SEC14L5: variants seen among roughly 807,000 people sequenced by gnomAD.
The protein encoded by SEC14L5 is SEC14-like protein 5.
A neutral mutation model predicts 84.6 loss-of-function variants in SEC14L5; 96 were observed. The ratio of observed to expected loss-of-function variants is 1.13; its 90% CI spans 0.96 to 1.34. The LOEUF (loss-of-function observed/expected upper bound fraction) is 1.34. Among genes scored for constraint, SEC14L5 ranks in the 40% most tolerant of loss-of-function variants. The pLI, the probability that SEC14L5 is intolerant of heterozygous loss-of-function variation, is 0.00. For missense variants in SEC14L5, 1,224 were observed against 942.5 expected (o/e 1.30, Z -3.91); for synonymous variants, 546 against 383.4 (o/e 1.42, Z -4.95).
At chr16:4,986,300 C>T (rs1056266556) in intron 2 of SEC14L5, among the ~76,000 whole-genome samples, 5 of 152,056 alleles carry the variant, frequency 3.3e-5, no homozygotes, top group African/African-American at 4.8e-5. Flanking sequence ...CCACCACGCC[C>T]GGCTGCTTTT....
rs1234701401 is a variant in SEC14L5, at chr16:4,989,329, T to G, written c.345+1049T>G. ...TTTTTTGTTTGTTTGTTTGTTTTGT[T>G]TTTTTTTTTGTTTGTTTTTTTGAGA... On this transcript the variant is annotated intron_variant, in intron 4 of 15. Transcript: ENST00000251170. Among the ~76,000 whole-genome samples, 13 of 4,460 alleles carry G rather than the reference T, an allele frequency of 2.9e-3. 1 individual carries two copies. The East Asian group carries it at 0.14, about 47-fold the overall frequency. The allele number at this position is 4,460 out of a possible 152,430, so 2.9% of individuals were successfully genotyped here. A position where few individuals can be genotyped will look rare whatever the true frequency, so the allele number is the denominator to read the frequency against.
intron 2 of SEC14L5, among the ~76,000 whole-genome samples, chr16:4,983,677 G>A (rs1024131089): frequency 6.6e-6 from 1 of 151,772 alleles, no homozygotes; most frequent in African/African-American, 2.4e-5. Context: ...AGGAGTTCAA[G>A]ACCAACCTGA....
chr16:4,965,750 T>C (rs974993207), intron 2 of SEC14L5, among the ~76,000 whole-genome samples: 1 of 148,580 alleles, frequency 6.7e-6, no homozygotes, highest in Non-Finnish European at 1.5e-5. Context: ...CTATTTTAAA[T>C]TTTATTTAAG....
intron 14 of SEC14L5, 117 bp from the exon 15 acceptor site, chr16:5,010,978 C>G (rs1955792706): frequency 3.1e-6 from 3 of 963,652 alleles, no homozygotes; most frequent in East Asian, 5.3e-5. Context: ...GAGAAAGGGA[C>G]AGAGGGAGAA....
Position 4,989,334 on chromosome 16 carries a change from T to G in SEC14L5, c.345+1054T>G, listed in dbSNP as rs528354671. Among the ~76,000 whole-genome samples, 55 of 146,232 alleles carry G rather than the reference T, an allele frequency of 3.8e-4. 1 individual carries two copies. Among genetic ancestry groups the G allele is most frequent in the African/African-American group, 9.5e-4 (38 of 39,972 alleles). On this transcript the variant is annotated intron_variant, in intron 4 of 15. Transcript: ENST00000251170. ...TGTTTGTTTGTTTGTTTTGTTTTTT[T>G]TTTTGTTTGTTTTTTTGAGAGACAG...
At chr16:4,966,034 C>T (rs1955196352) in intron 2 of SEC14L5, among the ~76,000 whole-genome samples, 2 of 151,634 alleles carry the variant, frequency 1.3e-5, no homozygotes, top group Non-Finnish European at 2.9e-5. Flanking sequence ...AGAGTGAGAC[C>T]CTGCCTCAAA....
At position 5,007,506 on chromosome 16, in the gene SEC14L5, G is replaced by C; in HGVS notation, c.1572+20G>C. On this transcript the variant is annotated intron_variant, in intron 13 of 15. Coordinates refer to ENST00000251170, the MANE Select transcript of SEC14L5 (RefSeq NM_014692.2). ...CACGAGGTGCCAGGGCCTGGCCGGGGAGGGCCCGCTGAGCTGGAGTGTCTG... is the reference window on the plus strand; with the variant it reads ...CACGAGGTGCCAGGGCCTGGCCGGGCAGGGCCCGCTGAGCTGGAGTGTCTG... 1 of 1,610,756 alleles carries C rather than the reference G, an allele frequency of 6.2e-7. No homozygotes were observed. The highest frequency in any genetic ancestry group is 8.5e-7 in the Non-Finnish European group (1 of 1,178,790).
chr16:4,987,732 G>A (rs1249534469), intron 3 of SEC14L5, 26 bp downstream of exon 3: 1 of 1,461,748 alleles, frequency 6.8e-7, no homozygotes, highest in Non-Finnish European at 9.0e-7. Context: ...GCTGGGGGGC[G>A]GAGGAGGGGA....
rs762435313 is a variant in SEC14L5 at position 4,988,133 on chromosome 16, G to A, written c.214-16G>A. ...GCCGCCCACCCACCTCCGCCTCCCC[G>A]CCCCTTCCCTTGCAGATCGCAGGTG... On this transcript the variant is annotated splice_polypyrimidine_tract_variant and intron_variant, in intron 3 of 15. Coordinates refer to ENST00000251170, the MANE Select transcript of SEC14L5 (RefSeq NM_014692.2). 2.2e-5 allele frequency: 19 copies of A among 866,766 alleles called. No homozygotes were observed. Among genetic ancestry groups the A allele is most frequent in the Admixed American group, 1.5e-4 (8 of 52,054 alleles). 53.7% of individuals were successfully genotyped at this position (866,766 alleles called of 1,614,324 possible). A position where few individuals can be genotyped will look rare whatever the true frequency, so the allele number is the denominator to read the frequency against.
In SEC14L5 at chr16:5,003,436, A is replaced by G. The variant is rs1430309934; in HGVS notation, c.1165A>G (p.Asn389Asp). ...WTCLLDLEGL[N>D]MRHLWRPGVK... ...CTGCCTGCTAGACCTGGAGGGACTCAACATGCGGCACCTGTGGCGGCCGGG... is the reference window on the plus strand; with the variant it reads ...CTGCCTGCTAGACCTGGAGGGACTCGACATGCGGCACCTGTGGCGGCCGGG... The change falls in exon 11 of 16, where the codon AAC (asparagine) becomes GAC (aspartate). Residue 389 changes from asparagine to aspartate, a missense_variant. Transcript: ENST00000251170. The G allele has an allele frequency of 6.2e-7, 1 of 1,613,500 alleles. No individual in the cohort carries two copies. Among genetic ancestry groups the G allele is most frequent in the East Asian group, 2.2e-5 (1 of 44,874 alleles).
intron 2 of SEC14L5, among the ~76,000 whole-genome samples, chr16:4,960,064 G>C (rs1955101464): frequency 6.6e-6 from 1 of 152,200 alleles, no homozygotes; most frequent in African/African-American, 2.4e-5. Flanking sequence ...CAGCAAGTCA[G>C]TTGGAGGCCT....
intron 2 of SEC14L5, 138 bp downstream of exon 2, chr16:4,959,524 T>A: frequency 2.7e-6 from 2 of 744,208 alleles, no homozygotes; most frequent in East Asian, 2.7e-5. Context: ...CTGGTGGGTT[T>A]AACTTCTATC....
chr16:4,960,390 T>G (rs183518747), intron 2 of SEC14L5, among the ~76,000 whole-genome samples: 1 of 152,306 alleles, frequency 6.6e-6, no homozygotes, highest in Non-Finnish European at 1.5e-5. Flanking sequence ...CACCCCCATC[T>G]GTCCCACCCC....
chr16:5,016,668 G>C lies in SEC14L5; in HGVS notation c.*1698G>C, dbSNP rs1363262970. ...ATCTCTGCTGCAGTAACTGAGCCAA[G>C]GGGTGGTTTTGTGGCCACAAGAATC... On this transcript the variant is annotated 3_prime_UTR_variant, in exon 16 of 16. Coordinates refer to ENST00000251170, the MANE Select transcript of SEC14L5 (RefSeq NM_014692.2). The C allele has an allele frequency of 6.6e-6, 1 of 152,188 alleles. No individual in the cohort carries two copies. Among genetic ancestry groups the C allele is most frequent in the Admixed American group, 6.5e-5 (1 of 15,276 alleles). 9.4% of individuals were successfully genotyped at this position (152,188 alleles called of 1,614,324 possible).
chr16:4,997,968 C>A (rs868433590), intron 8 of SEC14L5, among the ~76,000 whole-genome samples: 2 of 148,558 alleles, frequency 1.3e-5, no homozygotes, highest in Middle Eastern at 3.2e-3. Flanking sequence ...AGATCCTTAA[C>A]TAATTAACTA....
chr16:4,975,533 T>C (rs976945695), intron 2 of SEC14L5, among the ~76,000 whole-genome samples: 9 of 150,914 alleles, frequency 6.0e-5, no homozygotes, highest in Admixed American at 6.0e-4. Context: ...TAGTATTCCG[T>C]GGTGTATATA....
intron 11 of SEC14L5, among the ~76,000 whole-genome samples, chr16:5,005,298 G>A (rs1413806154): frequency 6.6e-6 from 1 of 151,972 alleles, no homozygotes; most frequent in Admixed American, 6.6e-5. Context: ...CTGGGAGACA[G>A]AGCGAGACTC....
intron 14 of SEC14L5, 103 bp downstream of exon 14, chr16:5,008,751 TC>T: frequency 9.7e-7 from 1 of 1,030,696 alleles, no homozygotes; most frequent in Non-Finnish European, 1.4e-6. Flanking sequence ...GGGCTGCTGG[TC>T]CCCAGCCTCA....
At chr16:4,972,843 G>C (rs750153824) in intron 2 of SEC14L5, among the ~76,000 whole-genome samples, 1 of 152,130 alleles carries the variant, frequency 6.6e-6, no homozygotes, top group Admixed American at 6.5e-5. Flanking sequence ...GTTTGCTCTT[G>C]TCCATTAAGA....
Sources: gnomAD v4.1 joint callset for allele counts (sites outside exome capture counted in the v4.1 genomes callset) on GRCh38, gnomAD v4.1.1 for gene constraint, MANE v1.5 for transcripts, NCBI Gene and HGNC (gene_info 2026-07-23, HGNC 2026-07-21) for gene names.